The following AFAP1 variants were observed in gnomAD, a reference collection of about 807,000 sequenced individuals.
AFAP1 encodes the protein actin filament-associated protein 1.
Under a neutral mutation model 93.9 loss-of-function variants are expected in AFAP1, and 75 were observed. The observed-to-expected ratio is 0.80, with a 90% CI of 0.66 to 0.97. AFAP1 has a LOEUF of 0.97. Among genes scored for constraint, AFAP1 ranks in the 50% least tolerant of loss-of-function variants. AFAP1 has a pLI of 0.00. For missense variants in AFAP1, 1,201 were observed against 1,050.8 expected, an observed-to-expected ratio of 1.14 and a Z score of -1.98; for synonymous variants, 517 against 430.7, an observed-to-expected ratio of 1.20 and a Z score of -2.48.
In AFAP1 at chr4:7,761,377, T is replaced by C. The variant is rs1291225228; in HGVS notation, c.*2388A>G. 6.6e-6 allele frequency: 1 copy of C among 152,258 alleles called. No individual in the cohort carries two copies. The highest frequency in any genetic ancestry group is 2.4e-5 in the African/African-American group (1 of 41,468). The allele number at this position is 152,258 out of a possible 1,614,324, so 9.4% of individuals were successfully genotyped here. ...GGGTTGTGGATGTGAATTACAAACC[T>C]GGGTTTTTACAACAAAATATGCATG... On this transcript the variant is annotated 3_prime_UTR_variant, in exon 18 of 18. Coordinates refer to ENST00000420658, the MANE Select transcript of AFAP1 (RefSeq NM_001134647.2).
At chr4:7,817,354 G>A (rs1332911822) in intron 7 of AFAP1, among the ~76,000 whole-genome samples, 1 of 152,162 alleles carries the variant, frequency 6.6e-6, no homozygotes, top group East Asian at 1.9e-4. Context: ...TGTAATCCCA[G>A]CACTTTGGGA....
chr4:7,772,593 T>C, intron 16 of AFAP1: 3 of 543,228 alleles, frequency 5.5e-6, no homozygotes, highest in Non-Finnish European at 9.8e-6. Flanking sequence ...AGACTCAGCA[T>C]TTCCACAGCT....
chr4:7,929,563 CT>C (rs1720948898), intron 1 of AFAP1, among the ~76,000 whole-genome samples: 1 of 152,208 alleles, frequency 6.6e-6, no homozygotes, highest in South Asian at 2.1e-4. Context: ...TCTGTGATGC[CT>C]GCCCCCCTTC....
At chr4:7,839,550 G>A (rs572711582) in intron 5 of AFAP1, among the ~76,000 whole-genome samples, 5 of 152,150 alleles carry the variant, frequency 3.3e-5, no homozygotes, top group South Asian at 4.2e-4. Context: ...CTTGTTATCT[G>A]CCTATCTCAT....
At chr4:7,858,294 G>C (rs545460887) in intron 3 of AFAP1, among the ~76,000 whole-genome samples, 1 of 152,198 alleles carries the variant, frequency 6.6e-6, no homozygotes, top group Non-Finnish European at 1.5e-5. Context: ...AATCTGGACT[G>C]CTTGACTTTT....
chr4:7,846,841 G>A (rs548190326), intron 4 of AFAP1, among the ~76,000 whole-genome samples: 3 of 152,312 alleles, frequency 2.0e-5, no homozygotes, highest in African/African-American at 4.8e-5. Context: ...TCAGAGAAAA[G>A]GAAGAATGAG....
chr4:7,855,594 T>C lies in AFAP1; in HGVS notation c.226-20A>G, dbSNP rs1714960347. 1 of 1,567,510 alleles carries C rather than the reference T, an allele frequency of 6.4e-7. No homozygotes were observed. The highest frequency in any genetic ancestry group is 1.1e-5 in the South Asian group (1 of 90,226). ...AGGAGGCTGAGGAAGAAAGGAAAAG[T>C]GACACAGAAATTAGCATGACCATTA... On this transcript the variant is annotated intron_variant, in intron 3 of 17. Coordinates refer to ENST00000420658, the MANE Select transcript of AFAP1 (RefSeq NM_001134647.2).
At chr4:7,813,703 C>G (rs577989193) in intron 8 of AFAP1, among the ~76,000 whole-genome samples, 3 of 152,200 alleles carry the variant, frequency 2.0e-5, no homozygotes, top group Non-Finnish European at 4.4e-5. Flanking sequence ...ATACTTTCCA[C>G]TGAATAACTT....
chr4:7,871,737 C>G (rs575497694), intron 2 of AFAP1, among the ~76,000 whole-genome samples: 1 of 152,212 alleles, frequency 6.6e-6, no homozygotes, highest in African/African-American at 2.4e-5. Context: ...TCCCAAAACA[C>G]GATTCCATTA....
At chr4:7,874,356 CTTTTTTTT>C (rs869214535) in intron 1 of AFAP1, among the ~76,000 whole-genome samples, 3,307 of 92,466 alleles carry the variant, frequency 0.036, 49 homozygotes, top group Non-Finnish European at 0.048. Flanking sequence ...TTGCCTTTTT[CTTTTTTTT>C]TTTTTTTTTT....
chr4:7,932,363 C>T (rs1721119642), intron 1 of AFAP1, among the ~76,000 whole-genome samples: 1 of 152,166 alleles, frequency 6.6e-6, no homozygotes, highest in African/African-American at 2.4e-5. Context: ...AAGGTACAAA[C>T]ATTGTTTATT....
chr4:7,841,651 G>A (rs1713030507), intron 5 of AFAP1, among the ~76,000 whole-genome samples: 2 of 152,132 alleles, frequency 1.3e-5, no homozygotes, highest in African/African-American at 4.8e-5. Flanking sequence ...TGCCAATGGG[G>A]GTCATCTGGG....
chr4:7,780,377 C>G (rs1197331671), intron 13 of AFAP1, among the ~76,000 whole-genome samples: 1 of 152,196 alleles, frequency 6.6e-6, no homozygotes, highest in East Asian at 1.9e-4. Context: ...TATAATTCTA[C>G]AATTTTATCT....
rs371438861 is a variant in AFAP1 at position 7,774,727 on chromosome 4, C to G, written c.2062+12G>C. ...AACATGCACCCTGGGCAGTCACCCA[C>G]ACCCTTCATACCGGCGTTCACTTCA... On this transcript the variant is annotated intron_variant, in intron 15 of 17. Transcript: ENST00000420658. 14 of 1,613,600 alleles carry G rather than the reference C, an allele frequency of 8.7e-6. No individual in the cohort carries two copies. Among genetic ancestry groups the G allele is most frequent in the Non-Finnish European group, 1.1e-5 (13 of 1,179,750 alleles).
chr4:7,890,357 C>T (rs1052705699), intron 1 of AFAP1, among the ~76,000 whole-genome samples: 3 of 152,122 alleles, frequency 2.0e-5, no homozygotes, highest in African/African-American at 7.2e-5. Context: ...CTCCTTACGT[C>T]GTACCAAATA....
intron 1 of AFAP1, among the ~76,000 whole-genome samples, chr4:7,885,064 G>A (rs777361293): frequency 6.6e-6 from 1 of 152,162 alleles, no homozygotes; most frequent in African/African-American, 2.4e-5. Flanking sequence ...TCATCTCATC[G>A]CTCTCTAGAT....
At chr4:7,848,176 AGGG>A (rs1199316187) in intron 4 of AFAP1, among the ~76,000 whole-genome samples, 2 of 76,216 alleles carry the variant, frequency 2.6e-5, no homozygotes, top group Non-Finnish European at 4.8e-5. Flanking sequence ...GGAGGGAGGG[AGGG>A]AGGGAGGAAG....
intron 3 of AFAP1, among the ~76,000 whole-genome samples, chr4:7,860,238 G>C (rs563951616): frequency 6.6e-6 from 1 of 152,158 alleles, no homozygotes; most frequent in African/African-American, 2.4e-5. Context: ...AAAATGCTTG[G>C]GACCAGAAAT....
intron 11 of AFAP1, among the ~76,000 whole-genome samples, chr4:7,789,609 C>T (rs1179215546): frequency 1.4e-5 from 2 of 146,990 alleles, no homozygotes; most frequent in African/African-American, 5.3e-5. Flanking sequence ...GCTTTCCATC[C>T]TCTTCATCCT....
Sources: allele counts gnomAD v4.1 joint callset (sites outside exome capture counted in the v4.1 genomes callset), GRCh38; gene constraint gnomAD v4.1.1; transcripts MANE v1.5; gene names NCBI Gene and HGNC (gene_info 2026-07-23, HGNC 2026-07-21).